NELL1: variants seen among roughly 807,000 people sequenced by gnomAD.
NELL1 encodes protein kinase C-binding protein NELL1.
Under a neutral mutation model 107.4 loss-of-function variants are expected in NELL1, and 76 were observed. The ratio of observed to expected loss-of-function variants is 0.71; its 90% CI spans 0.59 to 0.86. The LOEUF is 0.86. Among genes scored for constraint, NELL1 ranks in the 40% least tolerant of loss-of-function variants. The probability of loss-of-function intolerance (pLI) is 0.00; values close to 1 mark genes in which losing one functional copy is unlikely to be tolerated. For synonymous variants in NELL1, 353 were observed against 341.2 expected, an observed-to-expected ratio of 1.03 and a Z score of -0.38; for missense variants, 1,024 against 1,005.5, an observed-to-expected ratio of 1.02 and a Z score of -0.25.
chr11:20,975,768 AT>A (rs1178993869), intron 12 of NELL1, among the ~76,000 whole-genome samples: 1 of 131,352 alleles, frequency 7.6e-6, no homozygotes, highest in Non-Finnish European at 1.5e-5. Context: ...TTATATATGT[AT>A]TATATGATAT....
intron 13 of NELL1, among the ~76,000 whole-genome samples, chr11:21,216,589 ACATGGAGT>A (rs1262154828): frequency 6.6e-6 from 1 of 152,194 alleles, no homozygotes; most frequent in Non-Finnish European, 1.5e-5. Flanking sequence ...TGGATGTGAG[ACATGGAGT>A]CAAGGGACAT....
chr11:21,194,333 G>A (rs943030537), intron 13 of NELL1, among the ~76,000 whole-genome samples: 1 of 152,102 alleles, frequency 6.6e-6, no homozygotes, highest in African/African-American at 2.4e-5. Context: ...AATGGGCTTG[G>A]TTGTTTTTTC....
intron 15 of NELL1, among the ~76,000 whole-genome samples, chr11:21,501,506 C>T (rs11026112): frequency 0.27 from 41,607 of 151,926 alleles, 6,168 homozygotes; most frequent in East Asian, 0.57. Context: ...TCTGCATGTC[C>T]TATGCAGTGA....
chr11:20,717,227 T>C (rs555809284), intron 2 of NELL1, among the ~76,000 whole-genome samples: 1 of 152,328 alleles, frequency 6.6e-6, no homozygotes, highest in East Asian at 1.9e-4. Flanking sequence ...ATGGAGATAA[T>C]ACTACATTGT....
chr11:20,735,592 T>C (rs751014312), intron 2 of NELL1, among the ~76,000 whole-genome samples: 1 of 152,176 alleles, frequency 6.6e-6, no homozygotes, highest in Non-Finnish European at 1.5e-5. Context: ...CAATTCAAGA[T>C]GAGATTTGGG....
chr11:21,553,684 T>G (rs960401180), intron 16 of NELL1, among the ~76,000 whole-genome samples: 2 of 151,850 alleles, frequency 1.3e-5, no homozygotes, highest in Admixed American at 1.3e-4. Context: ...AACAAATGTT[T>G]ATGCATTTCT....
chr11:21,488,957 TAAATG>T (rs1272613049), intron 15 of NELL1, among the ~76,000 whole-genome samples: 1 of 151,682 alleles, frequency 6.6e-6, no homozygotes, highest in Non-Finnish European at 1.5e-5. Context: ...AGAGAAGAAC[TAAATG>T]AAATACAGAC....
At chr11:21,014,140 A>G (rs1395909812) in intron 12 of NELL1, among the ~76,000 whole-genome samples, 1 of 152,072 alleles carries the variant, frequency 6.6e-6, no homozygotes, top group East Asian at 1.9e-4. Context: ...AGTTTGACTC[A>G]ACTAAGTCAA....
chr11:21,495,456 C>A (rs1001636023), intron 15 of NELL1, among the ~76,000 whole-genome samples: 1 of 151,994 alleles, frequency 6.6e-6, no homozygotes, highest in Non-Finnish European at 1.5e-5. Flanking sequence ...TGAGTAAATC[C>A]ACTACTAATA....
At chr11:20,786,778 G>C (rs1271114965) in intron 3 of NELL1, among the ~76,000 whole-genome samples, 1 of 151,954 alleles carries the variant, frequency 6.6e-6, no homozygotes, top group Admixed American at 6.6e-5. Flanking sequence ...GGAGGCCAAG[G>C]TGGGCATATC....
chr11:20,946,555 C>G (rs1331399305), intron 10 of NELL1, among the ~76,000 whole-genome samples: 2 of 152,134 alleles, frequency 1.3e-5, no homozygotes, highest in Non-Finnish European at 2.9e-5. Flanking sequence ...AAATCTAATG[C>G]TCAGCTAACT....
chr11:21,403,225 TG>T (rs1852140783), intron 15 of NELL1, among the ~76,000 whole-genome samples: 1 of 151,702 alleles, frequency 6.6e-6, no homozygotes, highest in Non-Finnish European at 1.5e-5. Flanking sequence ...GGTTCTTTTC[TG>T]GAGTTTTATT....
At chr11:21,113,469 C>A in intron 12 of NELL1, 120 bp from the exon 13 acceptor site, 1 of 962,656 alleles carries the variant, frequency 1.0e-6, no homozygotes, top group Non-Finnish European at 1.5e-6. Flanking sequence ...GTGTTTAATG[C>A]ATGTTACTTT....
chr11:20,912,272 C>T (rs374322934), intron 5 of NELL1, among the ~76,000 whole-genome samples: 1 of 152,058 alleles, frequency 6.6e-6, no homozygotes, highest in East Asian at 1.9e-4. Context: ...AAGCCTCTAG[C>T]ATTAGGTAAT....
At chr11:21,113,737 G>GT (rs1198473855) in intron 13 of NELL1, 23 bp downstream of exon 13, 15 of 1,605,682 alleles carry the variant, frequency 9.3e-6, no homozygotes, top group South Asian at 1.1e-5. Flanking sequence ...AAGCAGTGTT[G>GT]TTTTTTTAAT....
chr11:21,097,976 CAAAA>C (rs201740361), intron 12 of NELL1, among the ~76,000 whole-genome samples: 1 of 126,342 alleles, frequency 7.9e-6, no homozygotes. Flanking sequence ...CTCCCAACTC[CAAAA>C]AAAAAAAAAA....
intron 2 of NELL1, among the ~76,000 whole-genome samples, chr11:20,700,336 A>C (rs1333702592): frequency 6.6e-6 from 1 of 151,880 alleles, no homozygotes; most frequent in Non-Finnish European, 1.5e-5. Flanking sequence ...AAAATTAGCC[A>C]GGCATGGTGG....
intron 13 of NELL1, among the ~76,000 whole-genome samples, chr11:21,124,045 A>T (rs1240413338): frequency 6.6e-6 from 1 of 152,072 alleles, no homozygotes; most frequent in African/African-American, 2.4e-5. Context: ...ATATCCTCAC[A>T]CTCCTTCCCA....
intron 4 of NELL1, among the ~76,000 whole-genome samples, chr11:20,850,381 A>G (rs1848774517): frequency 2.0e-5 from 3 of 152,186 alleles, no homozygotes; most frequent in Admixed American, 2.0e-4. Context: ...TAGAGTATGA[A>G]AGGAGATGAT....
Sources: gnomAD v4.1 joint callset for allele counts (sites outside exome capture counted in the v4.1 genomes callset) on GRCh38, gnomAD v4.1.1 for gene constraint, MANE v1.5 for transcripts, NCBI Gene and HGNC (gene_info 2026-07-23, HGNC 2026-07-21) for gene names.